The following ST6GALNAC2 variants were observed in gnomAD, a reference collection of about 807,000 sequenced individuals.
ST6GALNAC2 encodes alpha-N-acetylgalactosaminide alpha-2,6-sialyltransferase 2.
Under a neutral mutation model 38.7 loss-of-function variants are expected in ST6GALNAC2, and 42 were observed. The observed-to-expected ratio is 1.09, with a 90% CI of 0.85 to 1.40. The LOEUF (loss-of-function observed/expected upper bound fraction) is 1.40. Ranked by LOEUF, ST6GALNAC2 falls within the 40% of genes most tolerant of loss-of-function variation. ST6GALNAC2 has a pLI of 0.00. For synonymous variants in ST6GALNAC2, 233 were observed against 209.0 expected, an observed-to-expected ratio of 1.11 and a Z score of -0.99; for missense variants, 506 against 481.7, an observed-to-expected ratio of 1.05 and a Z score of -0.47.
chr17:76,585,824 G>A lies in ST6GALNAC2; in HGVS notation c.-16C>T. 6.5e-7 allele frequency: 1 copy of A among 1,529,856 alleles called. No homozygotes were observed. The highest frequency in any genetic ancestry group is 8.8e-7 in the Non-Finnish European group (1 of 1,141,186). 94.8% of individuals were successfully genotyped at this position (1,529,856 alleles called of 1,614,324 possible). On this transcript the variant is annotated 5_prime_UTR_variant, in exon 1 of 9. Coordinates refer to ENST00000225276, the MANE Select transcript of ST6GALNAC2 (RefSeq NM_006456.3). ...GGAGCCCCATACAGCCCCGGCCCGCGAGCGCCCCGTCCGCTGACGTCCCAG... is the reference window on the plus strand; with the variant it reads ...GGAGCCCCATACAGCCCCGGCCCGCAAGCGCCCCGTCCGCTGACGTCCCAG...
Position 76,568,768 on chromosome 17 carries a change from A to G in ST6GALNAC2, c.802T>C (p.Ser268Pro), listed in dbSNP as rs776105334. The G allele has an allele frequency of 1.2e-6, 2 of 1,613,500 alleles. No individual in the cohort carries two copies. Among genetic ancestry groups the G allele is most frequent in the Non-Finnish European group, 1.7e-6 (2 of 1,179,972 alleles). The change falls in exon 7 of 9, where the codon TCT becomes CCT. Residue 268 changes from serine to proline, a missense_variant. By Grantham distance (74) the Ser-to-Pro change is moderately conservative. Coordinates refer to ENST00000225276, the MANE Select transcript of ST6GALNAC2 (RefSeq NM_006456.3). Reference sequence around the variant, plus strand: ...TGTAGCAGCTTGAATTTACTGGCAGAGGCTTCTGGTCCAAAATAGGCGTGC... The same window carrying G: ...TGTAGCAGCTTGAATTTACTGGCAGGGGCTTCTGGTCCAAAATAGGCGTGC... ...RPHAYFGPEA[S>P]ASKFKLLHPD...
chr17:76,568,077 T>G (rs2075306583), intron 7 of ST6GALNAC2: 1 of 162,862 alleles, frequency 6.1e-6, no homozygotes. Flanking sequence ...GGGGCTTCAT[T>G]TGCCTCCCCA....
rs576460414 is a variant in ST6GALNAC2 at position 76,567,681 on chromosome 17, G to C, written c.858-129C>G. Reference sequence around the variant, plus strand: ...TTCTACTCCAGTCAGTTCTTTATTCGGTCCAAGTGGACTAAATACAAAGAT... The same window carrying C: ...TTCTACTCCAGTCAGTTCTTTATTCCGTCCAAGTGGACTAAATACAAAGAT... On this transcript the variant is annotated intron_variant, in intron 7 of 8. Coordinates refer to ENST00000225276, the MANE Select transcript of ST6GALNAC2 (RefSeq NM_006456.3). The C allele has an allele frequency of 8.7e-5, 55 of 630,246 alleles. No homozygotes were observed. In the African/African-American group the frequency reaches 9.9e-4, roughly 11 times the overall value. 39.0% of individuals were successfully genotyped at this position (630,246 alleles called of 1,614,324 possible).
intron 2 of ST6GALNAC2, among the ~76,000 whole-genome samples, chr17:76,575,495 T>C (rs533428117): frequency 1.3e-5 from 2 of 152,230 alleles, no homozygotes; most frequent in African/African-American, 4.8e-5. Context: ...CGATGCACCA[T>C]AAGCCAAAGA....
At chr17:76,579,829 C>A (rs1162022421) in intron 1 of ST6GALNAC2, among the ~76,000 whole-genome samples, 1 of 152,220 alleles carries the variant, frequency 6.6e-6, no homozygotes, top group Non-Finnish European at 1.5e-5. Context: ...CAGACACAGA[C>A]CCTATGACCT....
chr17:76,574,415 C>T lies in ST6GALNAC2; in HGVS notation c.311G>A (p.Arg104His), dbSNP rs776553153. ...ATACGGGGCTTTGTGTTGGCTCAGGCGGTCCCAGAGCGCTGGGGTGAAGAG... is the reference window on the plus strand; with the variant it reads ...ATACGGGGCTTTGTGTTGGCTCAGGTGGTCCCAGAGCGCTGGGGTGAAGAG... ...GDLFTPALWD[R>H]LSQHKAPYGW... is the part of the protein sequence containing the mutation. Residue 104 changes from arginine to histidine, a missense_variant, in exon 3 of 9, where the codon CGC becomes CAC. Transcript: ENST00000225276. 12 of 1,613,622 alleles carry T rather than the reference C, an allele frequency of 7.4e-6. No homozygotes were observed. The highest frequency in any genetic ancestry group is 3.3e-5 in the Admixed American group (2 of 59,996).
At chr17:76,577,826 G>GC (rs971464829) in intron 2 of ST6GALNAC2, among the ~76,000 whole-genome samples, 7 of 152,036 alleles carry the variant, frequency 4.6e-5, no homozygotes, top group African/African-American at 1.4e-4. Flanking sequence ...GCCCACCTCG[G>GC]CCCCCCAAAG....
chr17:76,585,580 G>T, intron 1 of ST6GALNAC2, 104 bp downstream of exon 1: 2 of 1,312,192 alleles, frequency 1.5e-6, no homozygotes, highest in South Asian at 1.6e-5. Flanking sequence ...TCCACGCGGA[G>T]GTTGGGCTGA....
chr17:76,584,622 G>T (rs1407913512), intron 1 of ST6GALNAC2, among the ~76,000 whole-genome samples: 3 of 152,168 alleles, frequency 2.0e-5, no homozygotes, highest in Non-Finnish European at 4.4e-5. Context: ...GACTACAGGC[G>T]TTAAGTCACC....
rs1280755048 is a variant in ST6GALNAC2, at chr17:76,566,994, C to CT, written c.957+458dup. Among the ~76,000 whole-genome samples, 7 of 152,260 alleles carry CT rather than the reference C, an allele frequency of 4.6e-5. No homozygotes were observed. The East Asian group carries it at 1.4e-3, about 29-fold the overall frequency. Reference sequence around the variant, plus strand: ...GGGTCATATCCCATCAGGAATGACTCTTAACGGTGATTTCAAAGTAGTTGC... The same window carrying CT: ...GGGTCATATCCCATCAGGAATGACTCTTTAACGGTGATTTCAAAGTAGTTGC... On this transcript the variant is annotated intron_variant, in intron 8 of 8. Transcript: ENST00000225276.
rs1173969091 is a variant in ST6GALNAC2, at chr17:76,573,279, A to T, written c.446T>A (p.Ile149Asn). The change falls in exon 4 of 9, where the codon ATC becomes AAC. Residue 149 changes from isoleucine to asparagine, a missense_variant. Ile to Asn is a moderately radical substitution (Grantham distance 149, BLOSUM62 -3). Coordinates refer to ENST00000225276, the MANE Select transcript of ST6GALNAC2 (RefSeq NM_006456.3). The surrounding 1 kb of genome is among the most constrained non-coding windows in gnomAD (Gnocchi z 5.1). ...TCCGTTGCCCACCACGGCACACCGG[A>T]TACACTTTGGAGGGGTGTCCCTGGG... is the stretch of plus-strand genomic sequence containing the variant. ...APPRDTPPKC[I>N]RCAVVGNGGI... 6.2e-6 allele frequency: 10 copies of T among 1,610,440 alleles called. No homozygotes were observed. The highest frequency in any genetic ancestry group is 8.5e-6 in the Non-Finnish European group (10 of 1,178,514).
Position 76,573,528 on chromosome 17 carries a change from T to A in ST6GALNAC2, c.362-165A>T, listed in dbSNP as rs78732372. ...GAAGGAGATGTCTGTGGGGGGAGAA[T>A]TGAAAAGCTGACAGTGGAAGAGGGG... On this transcript the variant is annotated intron_variant, in intron 3 of 8. Coordinates refer to ENST00000225276, the MANE Select transcript of ST6GALNAC2 (RefSeq NM_006456.3). The surrounding 1 kb of genome is among the most constrained non-coding windows in gnomAD (Gnocchi z 5.1). Among the ~76,000 whole-genome samples, 1 of 151,878 alleles carries A rather than the reference T, an allele frequency of 6.6e-6. No homozygotes were observed. Among genetic ancestry groups the A allele is most frequent in the African/African-American group, 2.4e-5 (1 of 41,324 alleles).
rs1567925779 is a variant in ST6GALNAC2 at position 76,567,480 on chromosome 17, C to T, written c.930G>A (p.Leu310=). 2.5e-6 allele frequency: 4 copies of T among 1,613,878 alleles called. No individual in the cohort carries two copies. Among genetic ancestry groups the T allele is most frequent in the Non-Finnish European group, 3.4e-6 (4 of 1,179,884 alleles). Reference sequence around the variant, plus strand: ...GGTCACAGGTATGCAAAGCTGTCAGCAGCATGAGAGCCCCGGTACTAGGCA... The same window carrying T: ...GGTCACAGGTATGCAAAGCTGTCAGTAGCATGAGAGCCCCGGTACTAGGCA... ...LYMPSTGALM[L]LTALHTCDQV... Residue 310 remains leucine (L), a synonymous_variant, in exon 8 of 9, where the codon CTG becomes CTA. Transcript: ENST00000225276.
chr17:76,571,314 C>T (rs1386669610), intron 5 of ST6GALNAC2: 1 of 152,314 alleles, frequency 6.6e-6, no homozygotes, highest in African/African-American at 2.4e-5. Flanking sequence ...GAAACTAAGG[C>T]CAGGCGCGGT....
At chr17:76,580,293 C>T (rs895485880) in intron 1 of ST6GALNAC2, among the ~76,000 whole-genome samples, 1 of 151,844 alleles carries the variant, frequency 6.6e-6, no homozygotes. Context: ...TGGCACATGC[C>T]TGTAATCCCA....
chr17:76,568,886 C>T (rs554790019), intron 6 of ST6GALNAC2, 90 bp from the exon 7 acceptor site: 40 of 1,280,628 alleles, frequency 3.1e-5, no homozygotes, highest in Admixed American at 1.9e-4. Flanking sequence ...CCGGAGTAGC[C>T]GCGGTACCCT....
intron 5 of ST6GALNAC2, chr17:76,571,390 T>TCC (rs1344238081): frequency 6.6e-6 from 1 of 152,156 alleles, no homozygotes; most frequent in Non-Finnish European, 1.5e-5. Context: ...GGTCAGGAGT[T>TCC]CAAGACCAGC....
Position 76,585,832 on chromosome 17 carries a change from C to A in ST6GALNAC2, c.-24G>T, listed in dbSNP as rs3135934. The A allele has an allele frequency of 2.6e-6, 4 of 1,519,518 alleles. No individual in the cohort carries two copies. Among genetic ancestry groups the A allele is most frequent in the Admixed American group, 2.1e-5 (1 of 48,728 alleles). The allele number at this position is 1,519,518 out of a possible 1,614,324, so 94.1% of individuals were successfully genotyped here. ...ATACAGCCCCGGCCCGCGAGCGCCC[C>A]GTCCGCTGACGTCCCAGGCAGAAGG... is the stretch of plus-strand genomic sequence containing the variant. On this transcript the variant is annotated 5_prime_UTR_variant, in exon 1 of 9. Coordinates refer to ENST00000225276, the MANE Select transcript of ST6GALNAC2 (RefSeq NM_006456.3).
At chr17:76,570,894 T>A (rs2075346213) in intron 5 of ST6GALNAC2, 1 of 517,514 alleles carries the variant, frequency 1.9e-6, no homozygotes. Flanking sequence ...GAGTATGGGC[T>A]GGACTTAGCG....
Sources: allele counts gnomAD v4.1 joint callset (sites outside exome capture counted in the v4.1 genomes callset), GRCh38; gene constraint gnomAD v4.1.1; non-coding constraint Gnocchi (gnomAD v3.1); transcripts MANE v1.5; gene names NCBI Gene and HGNC (gene_info 2026-07-23, HGNC 2026-07-21).